CSRNP2: variants seen among roughly 807,000 people sequenced by gnomAD.
The protein encoded by CSRNP2 is cysteine and serine rich nuclear protein 2.
In CSRNP2, 11 loss-of-function variants were observed where a neutral mutation model predicts 36.6. The observed-to-expected ratio is 0.30, with a 90% CI of 0.19 to 0.50. The LOEUF (loss-of-function observed/expected upper bound fraction) is 0.50, where lower values mean the gene tolerates loss of function less well. Among genes scored for constraint, CSRNP2 ranks in the 20% least tolerant of loss-of-function variants. The pLI is 0.98. For missense variants in CSRNP2, 483 were observed against 691.4 expected (o/e 0.70, Z 3.38); for synonymous variants, 248 against 275.3 (o/e 0.90, Z 0.98).
chr12:51,078,492 G>A (rs555309359), intron 1 of CSRNP2, among the ~76,000 whole-genome samples: 1 of 152,284 alleles, frequency 6.6e-6, no homozygotes, highest in Admixed American at 6.5e-5. Flanking sequence ...GATCTTATCA[G>A]AGGTCACATT....
At chr12:51,082,790 AG>A in intron 1 of CSRNP2, 1 of 152,312 alleles carries the variant, frequency 6.6e-6, no homozygotes. Flanking sequence ...ACCGGAGCGA[AG>A]GGACATGTCA....
Position 51,067,532 on chromosome 12 carries a change from C to T in CSRNP2, c.708+141G>A, listed in dbSNP as rs536245833. 38 of 749,374 alleles carry T rather than the reference C, an allele frequency of 5.1e-5. No homozygotes were observed. Among genetic ancestry groups the T allele is most frequent in the South Asian group, 7.1e-5 (4 of 56,048 alleles). The allele number at this position is 749,374 out of a possible 1,614,324, so 46.4% of individuals were successfully genotyped here. On this transcript the variant is annotated intron_variant, in intron 4 of 4. Transcript: ENST00000228515. This position sits in a 1 kb window ranked among gnomAD's most constrained non-coding sequence, Gnocchi z 4.1. ...GTGTGCTGTTTGCTTACTCTGTTGA[C>T]GGAGGAGGGTTGTGGAACTGGAGAG...
chr12:51,063,954 A>T lies in CSRNP2; in HGVS notation c.1424T>A (p.Val475Glu), dbSNP rs1592736544. 6.2e-7 allele frequency: 1 copy of T among 1,612,576 alleles called. No individual in the cohort carries two copies. The highest frequency in any genetic ancestry group is 1.7e-5 in the Admixed American group (1 of 59,958). ...TDPAALCKSE[V>E]GKTPTLEALL... ...AGCTTCTAGGGTGGGTGTTTTCCCC[A>T]CCTCTGATTTACAGAGGGCAGCTGG... The change falls in exon 5 of 5, where the codon GTG becomes GAG. Residue 475 changes from valine to glutamate, a missense_variant. Around this residue, in one of 2 missense-constraint regions of CSRNP2, gnomAD observed 277 missense variants for 323.6 expected, o/e 0.86. Transcript: ENST00000228515.
intron 4 of CSRNP2, among the ~76,000 whole-genome samples, chr12:51,065,759 A>AGGG (rs1938142059): frequency 6.6e-6 from 1 of 152,274 alleles, no homozygotes; most frequent in Admixed American, 6.5e-5. Context: ...TGCCAGGCCC[A>AGGG]GCTGCATCAA....
Position 51,073,968 on chromosome 12 carries a change from C to A in CSRNP2, c.266G>T (p.Gly89Val). The A allele has an allele frequency of 6.2e-7, 1 of 1,614,206 alleles. No homozygotes were observed. Among genetic ancestry groups the A allele is most frequent in the Non-Finnish European group, 8.5e-7 (1 of 1,180,042 alleles). ...CTGGGCCATGCCCAGAGAGCTACCA[C>A]CCTGGCTGGGCACACTGGTAAAACC... ...RQGFTSVPSQ[G>V]GSSLGMAQRH... Residue 89 changes from glycine to valine, a missense_variant, in exon 3 of 5, where the codon GGT (glycine) becomes GTT (valine). Physicochemically the swap from Gly to Val is moderately radical, Grantham distance 109 (BLOSUM62 -3). This residue lies in a region of CSRNP2 where 206 missense variants were observed against 367.8 expected (regional missense o/e 0.56). Transcript: ENST00000228515.
intron 4 of CSRNP2, among the ~76,000 whole-genome samples, chr12:51,065,212 A>G (rs1012830832): frequency 1.3e-5 from 2 of 152,150 alleles, no homozygotes; most frequent in African/African-American, 4.8e-5. Context: ...AAGGTGCTAG[A>G]ACGCAGGTTC....
At chr12:51,074,363 C>T (rs1206465956) in intron 2 of CSRNP2, among the ~76,000 whole-genome samples, 4 of 152,106 alleles carry the variant, frequency 2.6e-5, no homozygotes, top group Non-Finnish European at 4.4e-5. Context: ...GTGATCCGCC[C>T]GCCCCGGCCT....
intron 3 of CSRNP2, among the ~76,000 whole-genome samples, chr12:51,073,057 T>A (rs1939250988): frequency 6.6e-6 from 1 of 151,570 alleles, no homozygotes; most frequent in South Asian, 2.1e-4. Context: ...CCCACTACTA[T>A]TAAAAAAAAT....
At chr12:51,077,596 A>G (rs1939449346) in intron 1 of CSRNP2, among the ~76,000 whole-genome samples, 1 of 152,196 alleles carries the variant, frequency 6.6e-6, no homozygotes, top group Non-Finnish European at 1.5e-5. Flanking sequence ...TCATAAGTGT[A>G]AAGTGTTTCA....
At chr12:51,073,727 G>GAAAAA in intron 3 of CSRNP2, 96 bp downstream of exon 3, 1 of 1,032,886 alleles carries the variant, frequency 9.7e-7, no homozygotes, top group Non-Finnish European at 1.3e-6. Flanking sequence ...CTCTGTCCCA[G>GAAAAA]AAAAAAAAAA....
At chr12:51,072,477 G>A (rs1162544837) in intron 3 of CSRNP2, among the ~76,000 whole-genome samples, 1 of 147,598 alleles carries the variant, frequency 6.8e-6, no homozygotes, top group Non-Finnish European at 1.5e-5. Context: ...GCAGGAGAAT[G>A]GTGTGAACCC....
chr12:51,074,178 C>A (rs1040216914), intron 2 of CSRNP2, 96 bp from the exon 3 acceptor site: 8 of 1,397,600 alleles, frequency 5.7e-6, no homozygotes, highest in Non-Finnish European at 7.6e-6. Flanking sequence ...AGTGCTGTGG[C>A]ACTGTCTCGG....
At position 51,063,920 on chromosome 12, in the gene CSRNP2, G is replaced by A. The variant is rs373706626; in HGVS notation, c.1458C>T (p.Pro486=). Residue 486 remains proline (P), a synonymous_variant, in exon 5 of 5, where the codon CCC becomes CCT. Transcript: ENST00000228515. ...GKTPTLEALL[P]EDCNPEEPEN... Reference sequence around the variant, plus strand: ...CAGGCTCCTCAGGGTTACAATCTTCGGGCAATAGAGCTTCTAGGGTGGGTG... The same window carrying A: ...CAGGCTCCTCAGGGTTACAATCTTCAGGCAATAGAGCTTCTAGGGTGGGTG... 23 of 1,613,814 alleles carry A rather than the reference G, an allele frequency of 1.4e-5. No homozygotes were observed. The highest frequency in any genetic ancestry group is 5.0e-5 in the Admixed American group (3 of 59,982).
intron 2 of CSRNP2, among the ~76,000 whole-genome samples, chr12:51,074,897 T>G (rs1484411125): frequency 2.0e-5 from 3 of 151,908 alleles, no homozygotes; most frequent in African/African-American, 7.2e-5. Flanking sequence ...AAACCCCATC[T>G]CTACTAAAAA....
At chr12:51,070,922 G>A (rs146927369) in intron 3 of CSRNP2, among the ~76,000 whole-genome samples, 1 of 152,070 alleles carries the variant, frequency 6.6e-6, no homozygotes, top group Non-Finnish European at 1.5e-5. Context: ...AATCGCTTAA[G>A]ACCAGGAGTT....
chr12:51,079,472 A>G (rs1939528666), intron 1 of CSRNP2, among the ~76,000 whole-genome samples: 1 of 151,552 alleles, frequency 6.6e-6, no homozygotes, highest in Non-Finnish European at 1.5e-5. Flanking sequence ...TTTTAAGGAG[A>G]CAGAATAAAG....
intron 3 of CSRNP2, among the ~76,000 whole-genome samples, chr12:51,070,423 A>G (rs1021733626): frequency 3.3e-5 from 5 of 152,174 alleles, no homozygotes; most frequent in Non-Finnish European, 5.9e-5. Flanking sequence ...TCCTGTCTAC[A>G]TCTCCAGGGT....
intron 3 of CSRNP2, among the ~76,000 whole-genome samples, chr12:51,069,291 T>TC (rs1938805958): frequency 6.8e-6 from 1 of 147,618 alleles, no homozygotes; most frequent in African/African-American, 2.5e-5. Flanking sequence ...TCCTTTCTTT[T>TC]TTTTTTTTTT....
intron 2 of CSRNP2, among the ~76,000 whole-genome samples, chr12:51,074,859 G>A (rs1939328426): frequency 6.6e-6 from 1 of 152,052 alleles, no homozygotes; most frequent in Non-Finnish European, 1.5e-5. Flanking sequence ...GAGGTCAAGA[G>A]ATCAAGACCA....
Sources: gnomAD v4.1 joint callset for allele counts (sites outside exome capture counted in the v4.1 genomes callset) on GRCh38, gnomAD v4.1.1 for gene constraint, gnomAD v4.1.1 regional missense constraint, Gnocchi (gnomAD v3.1) non-coding constraint, MANE v1.5 for transcripts, NCBI Gene and HGNC (gene_info 2026-07-23, HGNC 2026-07-21) for gene names.